Variants in PCDH9 observed in about 807,000 individuals in gnomAD.
PCDH9 encodes the protein protocadherin-9.
PCDH9 carries 24 observed loss-of-function variants against 70.6 expected under a neutral mutation model. The ratio of observed to expected loss-of-function variants is 0.34; its 90% CI spans 0.25 to 0.48. The LOEUF (loss-of-function observed/expected upper bound fraction) is 0.48. PCDH9 is among the 20% of genes least tolerant of loss of function. The pLI is 0.99. For missense variants in PCDH9, 1,281 were observed against 1,503.6 expected (o/e 0.85, Z 2.45); for synonymous variants, 562 against 558.5 (o/e 1.01, Z -0.09).
In PCDH9 at chr13:66,903,616, T is replaced by C; in HGVS notation, c.3037-11A>G. 8.4e-7 allele frequency: 1 copy of C among 1,193,144 alleles called. No individual in the cohort carries two copies. The highest frequency in any genetic ancestry group is 1.2e-6 in the Non-Finnish European group (1 of 801,450). 73.9% of individuals were successfully genotyped at this position (1,193,144 alleles called of 1,614,324 possible). On this transcript the variant is annotated splice_polypyrimidine_tract_variant and intron_variant, in intron 2 of 4. Transcript: ENST00000377865. ...GCTGTGTGAGTTACACTGAAAGAGA[T>C]TACCAAATAATTGTGACAAACTACT...
At chr13:66,914,501 CG>C (rs1031581981) in intron 2 of PCDH9, 1 of 151,590 alleles carries the variant, frequency 6.6e-6, no homozygotes, top group African/African-American at 2.4e-5. Context: ...GTAAAGAAAC[CG>C]AAAGAGATTA....
intron 2 of PCDH9, among the ~76,000 whole-genome samples, chr13:67,020,650 G>A (rs1408608239): frequency 3.9e-5 from 6 of 152,210 alleles, no homozygotes; most frequent in Admixed American, 6.5e-5. Flanking sequence ...AAATCCCTGC[G>A]GGGAAAAAAT....
intron 3 of PCDH9, among the ~76,000 whole-genome samples, chr13:66,871,606 C>A (rs1229813321): frequency 6.6e-6 from 1 of 151,894 alleles, no homozygotes; most frequent in African/African-American, 2.4e-5. Flanking sequence ...TCTAATTCAT[C>A]CTTCTAAATC....
intron 3 of PCDH9, among the ~76,000 whole-genome samples, chr13:66,868,012 T>C (rs1301481880): frequency 6.6e-6 from 1 of 152,022 alleles, no homozygotes; most frequent in Non-Finnish European, 1.5e-5. Context: ...CTGAAATGTA[T>C]ATTATTTAAA....
intron 2 of PCDH9, among the ~76,000 whole-genome samples, chr13:67,090,995 AGT>A (rs1215284908): frequency 6.6e-6 from 1 of 151,966 alleles, no homozygotes; most frequent in Non-Finnish European, 1.5e-5. Flanking sequence ...TAGATCTCAA[AGT>A]GTGTTATTAT....
chr13:66,332,741 A>G (rs1037176555), intron 4 of PCDH9, among the ~76,000 whole-genome samples: 2 of 152,000 alleles, frequency 1.3e-5, no homozygotes, highest in African/African-American at 4.8e-5. Flanking sequence ...AACAGGAACC[A>G]GAGGAGAAGG....
chr13:66,903,432 A>G, intron 3 of PCDH9, 72 bp downstream of exon 3: 1 of 582,378 alleles, frequency 1.7e-6, no homozygotes. Flanking sequence ...TAATTAAGAT[A>G]GAGTATTTAA....
intron 2 of PCDH9, among the ~76,000 whole-genome samples, chr13:66,987,265 C>A (rs1391514716): frequency 6.6e-6 from 1 of 151,852 alleles, no homozygotes; most frequent in African/African-American, 2.4e-5. Flanking sequence ...TTAACAATTT[C>A]AAGGCTAAAT....
intron 2 of PCDH9, among the ~76,000 whole-genome samples, chr13:66,989,450 T>C (rs747226195): frequency 2.6e-5 from 4 of 151,946 alleles, no homozygotes; most frequent in African/African-American, 7.2e-5. Context: ...CCTATGCTCA[T>C]ACAAATACAA....
chr13:66,642,171 T>C (rs2077717295), intron 3 of PCDH9, among the ~76,000 whole-genome samples: 1 of 152,126 alleles, frequency 6.6e-6, no homozygotes, highest in South Asian at 2.1e-4. Context: ...TCTTAAAATG[T>C]GGAATTTATA....
At chr13:66,573,934 T>C (rs1041594733) in intron 4 of PCDH9, among the ~76,000 whole-genome samples, 1 of 152,196 alleles carries the variant, frequency 6.6e-6, no homozygotes, top group Non-Finnish European at 1.5e-5. Context: ...TTTCCAGCTT[T>C]ATTTCTCTCC....
chr13:67,039,071 G>A (rs2085062331), intron 2 of PCDH9, among the ~76,000 whole-genome samples: 3 of 152,100 alleles, frequency 2.0e-5, no homozygotes, highest in African/African-American at 7.2e-5. Context: ...CAGATGATGG[G>A]GTTCACGGAA....
intron 2 of PCDH9, among the ~76,000 whole-genome samples, chr13:66,911,675 G>A (rs953052589): frequency 6.6e-6 from 1 of 152,070 alleles, no homozygotes; most frequent in Non-Finnish European, 1.5e-5. Flanking sequence ...TTACCTTACT[G>A]TAAAGCCATT....
At chr13:67,017,633 T>G (rs2084589243) in intron 2 of PCDH9, among the ~76,000 whole-genome samples, 1 of 152,198 alleles carries the variant, frequency 6.6e-6, no homozygotes, top group South Asian at 2.1e-4. Flanking sequence ...TTTTTACTAT[T>G]TTAGTATTTT....
chr13:66,369,477 A>G (rs941655550), intron 4 of PCDH9, among the ~76,000 whole-genome samples: 10 of 152,208 alleles, frequency 6.6e-5, no homozygotes, highest in African/African-American at 2.4e-4. Context: ...TTTCTTTAGT[A>G]AAATGCAAGT....
rs571857983 is a variant in PCDH9 at position 66,433,169 on chromosome 13, A to G, written c.3341-128141T>C. Among the ~76,000 whole-genome samples, 26 of 152,096 alleles carry G rather than the reference A, an allele frequency of 1.7e-4. No homozygotes were observed. In the South Asian group the frequency reaches 3.1e-3, roughly 18 times the overall value. ...TAATCAACACACTTATTAAATGTCA[A>G]TTAGAATTTTCATCAACCAAATTAT... On this transcript the variant is annotated intron_variant, in intron 4 of 4. Coordinates refer to ENST00000377865, the MANE Select transcript of PCDH9 (RefSeq NM_203487.3).
At chr13:66,852,912 A>G (rs2081337644) in intron 3 of PCDH9, among the ~76,000 whole-genome samples, 2 of 149,792 alleles carry the variant, frequency 1.3e-5, no homozygotes, top group Non-Finnish European at 2.9e-5. Context: ...TTTTAACAAT[A>G]GAGTCCTTAG....
Position 66,874,942 on chromosome 13 carries a change from T to TGTGTGTGTGA in PCDH9, c.3138+28561_3138+28562insTCACACACAC, listed in dbSNP as rs533672911. On this transcript the variant is annotated intron_variant, in intron 3 of 4. Transcript: ENST00000377865. The stretch of plus-strand genomic sequence containing the variant: ...GTGTGTGTGTGTGTGTGTGTGTGTG[T>TGTGTGTGTGA]GAGAGAGAGAGAGAGAGAGAGACAG... 3.0e-3 allele frequency among the ~76,000 whole-genome samples: 328 copies of TGTGTGTGTGA among 110,000 alleles called. 1 individual carries two copies. The highest frequency in any genetic ancestry group is 9.0e-3 in the East Asian group (31 of 3,436). 72.2% of individuals were successfully genotyped at this position (110,000 alleles called of 152,430 possible). A position where few individuals can be genotyped will look rare whatever the true frequency, so the allele number is the denominator to read the frequency against.
chr13:66,786,431 A>G (rs1469567817), intron 3 of PCDH9, among the ~76,000 whole-genome samples: 1 of 152,170 alleles, frequency 6.6e-6, no homozygotes, highest in Non-Finnish European at 1.5e-5. Flanking sequence ...TGCATCAAGA[A>G]AACTGTCCCA....
Sources: gnomAD v4.1 joint callset for allele counts (sites outside exome capture counted in the v4.1 genomes callset) on GRCh38, gnomAD v4.1.1 for gene constraint, MANE v1.5 for transcripts, NCBI Gene and HGNC (gene_info 2026-07-23, HGNC 2026-07-21) for gene names.